The following VPS13D variants were observed in gnomAD, a reference collection of about 807,000 sequenced individuals.
The protein encoded by VPS13D is intermembrane lipid transfer protein VPS13D.
In VPS13D, 187 loss-of-function variants were observed where a neutral mutation model predicts 461.9. The observed-to-expected ratio is 0.40, with a 90% confidence interval of 0.36 to 0.46. The LOEUF is 0.46. Ranked by LOEUF, VPS13D falls within the 20% of genes least tolerant of loss-of-function variation. The pLI, the probability that VPS13D is intolerant of heterozygous loss-of-function variation, is 0.60. For synonymous variants in VPS13D, 1,951 were observed against 1,986.3 expected (o/e 0.98, Z 0.47); for missense variants, 4,711 against 5,364.9 (o/e 0.88, Z 3.81).
intron 67 of VPS13D, among the ~76,000 whole-genome samples, chr1:12,486,759 C>T (rs561693367): frequency 7.9e-5 from 12 of 152,316 alleles, no homozygotes; most frequent in African/African-American, 2.6e-4. Flanking sequence ...TGCGGACTGC[C>T]GCTTCTTCAC....
intron 67 of VPS13D, among the ~76,000 whole-genome samples, chr1:12,467,995 C>T (rs953495498): frequency 6.6e-6 from 1 of 151,934 alleles, no homozygotes; most frequent in Non-Finnish European, 1.5e-5. Flanking sequence ...ACCAGCAGGT[C>T]CTTGTGCAAA....
rs561358557 is a variant in VPS13D, at chr1:12,334,905, A to G, written c.8429-800A>G. Among the ~76,000 whole-genome samples, 73 of 152,252 alleles carry G rather than the reference A, an allele frequency of 4.8e-4. 1 individual carries two copies. Among genetic ancestry groups the G allele is most frequent in the Non-Finnish European group, 1.0e-3 (69 of 68,054 alleles). On this transcript the variant is annotated intron_variant, in intron 38 of 69. Transcript: ENST00000620676. ...CGTAGCTATGACCTCTTGTGTTTAA[A>G]TAAATATTACTTCTGTAGCCAAGTG...
intron 21 of VPS13D, among the ~76,000 whole-genome samples, chr1:12,285,861 T>C (rs1641950041): frequency 1.3e-5 from 2 of 152,210 alleles, no homozygotes; most frequent in African/African-American, 4.8e-5. Flanking sequence ...ATACTGTGCT[T>C]TTGTAAGCCA....
rs368114859 is a variant in VPS13D at position 12,277,764 on chromosome 1, G to A, written c.4176G>A (p.Pro1392=). The A allele has an allele frequency of 1.5e-5, 25 of 1,614,072 alleles. No homozygotes were observed. Among genetic ancestry groups the A allele is most frequent in the South Asian group, 1.4e-4 (13 of 91,078 alleles). The change falls in exon 19 of 70, where the codon CCG becomes CCA. Residue 1392 remains proline, a synonymous_variant. Transcript: ENST00000620676. ...ESPVVSIPRK[P]GSPELLVGHL... ...CAGTTGTTTCTATCCCTCGGAAGCC[G>A]GGGAGTCCTGAGTTGTTGGTGGGAC...
At chr1:12,447,977 AAG>A (rs1645214555) in intron 65 of VPS13D, among the ~76,000 whole-genome samples, 1 of 152,208 alleles carries the variant, frequency 6.6e-6, no homozygotes, top group Non-Finnish European at 1.5e-5. Flanking sequence ...GTGGGGGAGA[AAG>A]AGGAGGGAAC....
chr1:12,368,524 C>T lies in VPS13D; in HGVS notation c.10505C>T (p.Thr3502Met), dbSNP rs1401810989. Residue 3502 changes from threonine (T) to methionine (M), a missense_variant, in exon 53 of 70, where the codon ACG becomes ATG. Thr to Met is a moderately conservative substitution (Grantham distance 81, BLOSUM62 -1). This residue lies in a region of VPS13D where 4,411 missense variants were observed against 4,937.8 expected (regional missense o/e 0.89). Coordinates refer to ENST00000620676, the MANE Select transcript of VPS13D (RefSeq NM_015378.4). ...LRVEITLRGATYRISFSDTDQ... is the reference protein window; with the variant it reads ...LRVEITLRGAMYRISFSDTDQ... Reference sequence around the variant, plus strand: ...GTGGAAATTACTCTCCGAGGAGCTACGTATAGGATCTCATTTAGTGACACA... The same window carrying T: ...GTGGAAATTACTCTCCGAGGAGCTATGTATAGGATCTCATTTAGTGACACA... The T allele has an allele frequency of 7.4e-6, 12 of 1,613,686 alleles. No individual in the cohort carries two copies. Among genetic ancestry groups the T allele is most frequent in the Non-Finnish European group, 9.3e-6 (11 of 1,179,854 alleles).
chr1:12,254,163 A>G (rs1196545652), intron 7 of VPS13D, among the ~76,000 whole-genome samples: 1 of 152,180 alleles, frequency 6.6e-6, no homozygotes, highest in Non-Finnish European at 1.5e-5. Context: ...CACCGTTTGC[A>G]TGTTCACGTA....
In VPS13D at chr1:12,283,139, G is replaced by T; in HGVS notation, c.5037G>T (p.Lys1679Asn). 6.2e-7 allele frequency: 1 copy of T among 1,614,140 alleles called. No homozygotes were observed. The change falls in exon 21 of 70, where the codon AAG (lysine) becomes AAT (asparagine). Residue 1679 changes from lysine to asparagine, a missense_variant. Transcript: ENST00000620676. Reference sequence around the variant, plus strand: ...TGCTGATGGAGGACTTATTGGAGAAGAATCCAGATTCTAAATATAAGAACC... The same window carrying T: ...TGCTGATGGAGGACTTATTGGAGAATAATCCAGATTCTAAATATAAGAACC... ...HSLLMEDLLE[K>N]NPDSKYKNLM... is the part of the protein sequence containing the mutation.
chr1:12,330,967 C>T (rs1477908920), intron 37 of VPS13D, among the ~76,000 whole-genome samples: 1 of 152,164 alleles, frequency 6.6e-6, no homozygotes, highest in East Asian at 1.9e-4. Flanking sequence ...CCTACCTGCT[C>T]CCTAGAAAAA....
At chr1:12,232,217 G>A (rs550674767) in intron 1 of VPS13D, among the ~76,000 whole-genome samples, 2 of 151,328 alleles carry the variant, frequency 1.3e-5, no homozygotes, top group East Asian at 1.9e-4. Context: ...TTTTCTTTTT[G>A]CTGTCACTGT....
intron 68 of VPS13D, among the ~76,000 whole-genome samples, chr1:12,498,226 T>A (rs1401304458): frequency 6.6e-6 from 1 of 152,164 alleles, no homozygotes; most frequent in East Asian, 1.9e-4. Context: ...ATAACCTGAA[T>A]AGGTGTTAGA....
chr1:12,346,094 GC>G (rs1344915902), intron 43 of VPS13D, among the ~76,000 whole-genome samples: 1 of 152,120 alleles, frequency 6.6e-6, no homozygotes, highest in African/African-American at 2.4e-5. Flanking sequence ...GGGTCCTCTT[GC>G]CCCATCCTCC....
At chr1:12,470,240 G>A (rs2100447606) in intron 67 of VPS13D, among the ~76,000 whole-genome samples, 1 of 152,314 alleles carries the variant, frequency 6.6e-6, no homozygotes, top group East Asian at 1.9e-4. Flanking sequence ...TGGGTCACAG[G>A]AATCCTGGCT....
At chr1:12,320,690 A>C (rs1464539745) in intron 32 of VPS13D, among the ~76,000 whole-genome samples, 1 of 152,212 alleles carries the variant, frequency 6.6e-6, no homozygotes, top group African/African-American at 2.4e-5. Flanking sequence ...CTAGCTTTGA[A>C]TGGAGAATCT....
At chr1:12,422,820 G>A (rs1377471017) in intron 65 of VPS13D, among the ~76,000 whole-genome samples, 1 of 150,884 alleles carries the variant, frequency 6.6e-6, no homozygotes, top group Non-Finnish European at 1.5e-5. Flanking sequence ...GGGTGGATCT[G>A]AATCCAAGTC....
rs367987300 is a variant in VPS13D, at chr1:12,456,636, CAAAAAAAAA to C, written c.12466+522_12466+530del. 1.8e-4 allele frequency among the ~76,000 whole-genome samples: 15 copies of C among 83,656 alleles called. No homozygotes were observed. The South Asian group carries it at 2.6e-3, about 14-fold the overall frequency. The allele number at this position is 83,656 out of a possible 152,430, so 54.9% of individuals were successfully genotyped here. ...CTGGCAACAGAGCAAGACTCCAATT[CAAAAAAAAA>C]AAAAAAAAAAAAAAAGAAAAGGCTG... On this transcript the variant is annotated intron_variant, in intron 66 of 69. Coordinates refer to ENST00000620676, the MANE Select transcript of VPS13D (RefSeq NM_015378.4).
At chr1:12,416,265 C>G (rs1043496692) in intron 64 of VPS13D, among the ~76,000 whole-genome samples, 22 of 152,218 alleles carry the variant, frequency 1.4e-4, no homozygotes, top group Admixed American at 3.9e-4. Context: ...ATGAGAGGAA[C>G]TGTAAATCTA....
At chr1:12,261,586 G>A (rs939511454) in intron 12 of VPS13D, among the ~76,000 whole-genome samples, 4 of 152,212 alleles carry the variant, frequency 2.6e-5, no homozygotes, top group African/African-American at 4.8e-5. Context: ...AGCCACATGT[G>A]GTTAGTGGCC....
rs1002709040 is a variant in VPS13D, at chr1:12,436,660, GT to G, written c.12334-19329del. Among the ~76,000 whole-genome samples, 11 of 151,772 alleles carry G rather than the reference GT, an allele frequency of 7.2e-5. No homozygotes were observed. The South Asian group carries it at 1.0e-3, about 14-fold the overall frequency. On this transcript the variant is annotated intron_variant, in intron 65 of 69. Transcript: ENST00000620676. ...CAATGTTAACTATTATTTTTTGCAAGTTTTTTTTTGTTTGTTTTTGTTTTTG... is the reference window on the plus strand; with the variant it reads ...CAATGTTAACTATTATTTTTTGCAAGTTTTTTTTGTTTGTTTTTGTTTTTG...
Sources: gnomAD v4.1 joint callset for allele counts (sites outside exome capture counted in the v4.1 genomes callset) on GRCh38, gnomAD v4.1.1 for gene constraint, gnomAD v4.1.1 regional missense constraint, MANE v1.5 for transcripts, NCBI Gene and HGNC (gene_info 2026-07-23, HGNC 2026-07-21) for gene names.